The following NACA variants were observed in gnomAD, a reference collection of about 807,000 sequenced individuals.
NACA encodes nascent polypeptide associated complex subunit alpha.
NACA carries 42 observed loss-of-function variants against 86.4 expected under a neutral mutation model. The observed-to-expected ratio is 0.49, with a 90% CI of 0.38 to 0.63. NACA has a LOEUF of 0.63. Among genes scored for constraint, NACA ranks in the 20% least tolerant of loss-of-function variants. The probability of loss-of-function intolerance (pLI) is 0.00; values close to 1 mark genes in which losing one functional copy is unlikely to be tolerated. For synonymous variants in NACA, 898 were observed against 973.7 expected (o/e 0.92, Z 1.45); for missense variants, 2,157 against 2,483.6 (o/e 0.87, Z 2.80).
Position 56,719,370 on chromosome 12 carries a change from A to G in NACA, c.2160T>C (p.Pro720=), listed in dbSNP as rs373582016. The part of the protein sequence containing the change: ...VAPSPQNTCA[P]LATLVLAPEI... ...CAGGGGCCAGCACTAAGGTAGCCAG[A>G]GGAGCACAGGTATTCTGGGGGGATG... Residue 720 remains proline, a synonymous_variant, in exon 3 of 9, where the codon CCT becomes CCC. Coordinates refer to ENST00000454682, the MANE Select transcript of NACA (RefSeq NM_001365896.1). 41 of 1,610,640 alleles carry G rather than the reference A, an allele frequency of 2.5e-5. No individual in the cohort carries two copies. In the African/African-American group the frequency reaches 3.6e-4, roughly 14 times the overall value.
In NACA at chr12:56,720,212, G is replaced by T; in HGVS notation, c.1318C>A (p.Pro440Thr). The T allele has an allele frequency of 3.7e-6, 6 of 1,613,946 alleles. No homozygotes were observed. The highest frequency in any genetic ancestry group is 5.1e-6 in the Non-Finnish European group (6 of 1,179,886). Residue 440 changes from proline to threonine, a missense_variant, in exon 3 of 9, where the codon CCA (proline) becomes ACA (threonine). Physicochemically the swap from Pro to Thr is conservative, Grantham distance 38. Transcript: ENST00000454682. ...GTACAGGGGTTAGTCACCACAAGTG[G>T]GGTGGTTCCAACAGAAGAAACGGGC... is the stretch of plus-strand genomic sequence containing the variant. ...QMPVSSVGTT[P>T]LVVTNPCTIA...
Position 56,720,330 on chromosome 12 carries a change from A to ATTT in NACA, c.1197_1199dup (p.Leu399_Asn400insLys). On this transcript the variant is annotated inframe_insertion, in exon 3 of 9. Transcript: ENST00000454682. ...GAGATAATGAAAAAGAGGTAGCTAC[A>ATTT]TTTAAGGAGCCAGAAGGGCTGCAGG... The ATTT allele has an allele frequency of 6.2e-7, 1 of 1,613,920 alleles. No individual in the cohort carries two copies. Among genetic ancestry groups the ATTT allele is most frequent in the South Asian group, 1.1e-5 (1 of 91,074 alleles).
chr12:56,716,938 G>A lies in NACA; in HGVS notation c.4592C>T (p.Ala1531Val), dbSNP rs767405121. Residue 1531 changes from alanine to valine, a missense_variant, in exon 3 of 9, where the codon GCG becomes GTG. Ala to Val is a moderately conservative substitution (Grantham distance 64). Around this residue, in one of 8 missense-constraint regions of NACA, gnomAD observed 797 missense variants for 777.6 expected, o/e 1.02. Coordinates refer to ENST00000454682, the MANE Select transcript of NACA (RefSeq NM_001365896.1). ...TGGGGTCTTTTTAGAGAGAAGAGTC[G>A]CTGTTGGGGCAATGGGGTCCCTTCT... Reference protein sequence around the residue: ...SSRRDPIAPTATLLSKKTPAT... With the variant: ...SSRRDPIAPTVTLLSKKTPAT... The A allele has an allele frequency of 3.9e-5, 51 of 1,303,338 alleles. No individual in the cohort carries two copies. The highest frequency in any genetic ancestry group is 2.4e-4 in the Admixed American group (8 of 33,200). 80.7% of individuals were successfully genotyped at this position (1,303,338 alleles called of 1,614,324 possible). A position where few individuals can be genotyped will look rare whatever the true frequency, so the allele number is the denominator to read the frequency against.
At chr12:56,724,055 ACTAAAAC>A (rs1953646061) in intron 2 of NACA, among the ~76,000 whole-genome samples, 1 of 152,214 alleles carries the variant, frequency 6.6e-6, no homozygotes, top group African/African-American at 2.4e-5. Flanking sequence ...AGCTCTGCTA[ACTAAAAC>A]CTTGATGCAA....
chr12:56,714,973 T>G (rs963954784), intron 3 of NACA, among the ~76,000 whole-genome samples: 2 of 152,206 alleles, frequency 1.3e-5, no homozygotes, highest in African/African-American at 4.8e-5. Flanking sequence ...CCTCAAGGTC[T>G]TTGTTTCTTG....
Position 56,716,958 on chromosome 12 carries a change from C to A in NACA, c.4572G>T (p.Arg1524Ser). 7.8e-7 allele frequency: 1 copy of A among 1,285,312 alleles called. No individual in the cohort carries two copies. The allele number at this position is 1,285,312 out of a possible 1,614,324, so 79.6% of individuals were successfully genotyped here. A position where few individuals can be genotyped will look rare whatever the true frequency, so the allele number is the denominator to read the frequency against. ...KEVPATPSSR[R>S]DPIAPTATLL... ...GAGTCGCTGTTGGGGCAATGGGGTCCCTTCTGGAGGATGGGGTAGCTGGGA... is the reference window on the plus strand; with the variant it reads ...GAGTCGCTGTTGGGGCAATGGGGTCACTTCTGGAGGATGGGGTAGCTGGGA... Residue 1524 changes from arginine (R) to serine (S), a missense_variant, in exon 3 of 9, where the codon AGG becomes AGT. This residue lies in a region of NACA where 797 missense variants were observed against 777.6 expected (regional missense o/e 1.02). Transcript: ENST00000454682.
chr12:56,720,492 T>C lies in NACA; in HGVS notation c.1038A>G (p.Thr346=). The part of the protein sequence containing the change: ...VKTISVDHSS[T]GASYPSQRSV... Reference sequence around the variant, plus strand: ...ATCTCTGAGAAGGATAAGAGGCCCCTGTGGAAGAATGATCTACAGAAATGG... The same window carrying C: ...ATCTCTGAGAAGGATAAGAGGCCCCCGTGGAAGAATGATCTACAGAAATGG... The change falls in exon 3 of 9, where the codon ACA becomes ACG. Residue 346 remains threonine, a synonymous_variant. Coordinates refer to ENST00000454682, the MANE Select transcript of NACA (RefSeq NM_001365896.1). 1 of 1,613,804 alleles carries C rather than the reference T, an allele frequency of 6.2e-7. No homozygotes were observed. Among genetic ancestry groups the C allele is most frequent in the Non-Finnish European group, 8.5e-7 (1 of 1,179,786 alleles).
At position 56,719,601 on chromosome 12, in the gene NACA, TG is replaced by T; in HGVS notation, c.1928del (p.Pro643GlnfsTer35). 1 of 1,613,844 alleles carries T rather than the reference TG, an allele frequency of 6.2e-7. No homozygotes were observed. Among genetic ancestry groups the T allele is most frequent in the Non-Finnish European group, 8.5e-7 (1 of 1,179,852 alleles). Reference protein sequence around the residue: ...GPLLKSSLITPTVAAFPLESA... With the variant: ...GPLLKSSLITXTVAAFPLESA... ...TTTCCAAAGGAAATGCAGCCACTGT[TG>T]GGGTAATGAGAGAACTTTTGAGAAG... On this transcript the variant is annotated frameshift_variant, in exon 3 of 9. Coordinates refer to ENST00000454682, the MANE Select transcript of NACA (RefSeq NM_001365896.1). LOFTEE classifies it high-confidence loss of function.
chr12:56,715,885 G>A lies in NACA; in HGVS notation c.5645C>T (p.Thr1882Met), dbSNP rs530299780. 4.0e-6 allele frequency: 6 copies of A among 1,516,012 alleles called. No individual in the cohort carries two copies. The highest frequency in any genetic ancestry group is 4.5e-5 in the Admixed American group (2 of 44,306). 93.9% of individuals were successfully genotyped at this position (1,516,012 alleles called of 1,614,324 possible). A position where few individuals can be genotyped will look rare whatever the true frequency, so the allele number is the denominator to read the frequency against. The change falls in exon 3 of 9, where the codon ACG becomes ATG. Residue 1882 changes from threonine (T) to methionine (M), a missense_variant. Thr to Met is a moderately conservative substitution (Grantham distance 81, BLOSUM62 -1). Transcript: ENST00000454682. Reference protein sequence around the residue: ...VPTPSAKQPVTKNNKGSGTES... With the variant: ...VPTPSAKQPVMKNNKGSGTES... ...AAGGCAAATACCCTTGTTGTTCTTC[G>A]TAACAGGTTGCTTGGCAGAGGGGGT...
At chr12:56,723,577 A>G (rs1185571566) in intron 2 of NACA, among the ~76,000 whole-genome samples, 1 of 152,184 alleles carries the variant, frequency 6.6e-6, no homozygotes, top group African/African-American at 2.4e-5. Context: ...AAAATCAAAC[A>G]GGTGGGAAGA....
At chr12:56,713,983 A>G (rs949352165) in intron 5 of NACA, 12 of 405,274 alleles carry the variant, frequency 3.0e-5, no homozygotes, top group South Asian at 5.8e-5. Flanking sequence ...CTGGGATTAC[A>G]GGAGCGTTAC....
chr12:56,713,494 A>G (rs1308989214), intron 6 of NACA, 43 bp downstream of exon 6: 2 of 1,604,494 alleles, frequency 1.2e-6, no homozygotes, highest in African/African-American at 2.7e-5. Flanking sequence ...GCTGAGGTTG[A>G]GAAACCCTGG....
Position 56,718,268 on chromosome 12 carries a change from G to A in NACA, c.3262C>T (p.Pro1088Ser). 8.8e-7 allele frequency: 1 copy of A among 1,134,838 alleles called. No homozygotes were observed. Among genetic ancestry groups the A allele is most frequent in the Non-Finnish European group, 1.1e-6 (1 of 910,946 alleles). 70.3% of individuals were successfully genotyped at this position (1,134,838 alleles called of 1,614,324 possible). A position where few individuals can be genotyped will look rare whatever the true frequency, so the allele number is the denominator to read the frequency against. ...GAPTPPAATP[P>S]SPKGGPATPS... Reference sequence around the variant, plus strand: ...GTAGCTGGGCCTCCTTTTGGGGAGGGAGGAGTCGCAGCTGGGGGAGTGGGG... The same window carrying A: ...GTAGCTGGGCCTCCTTTTGGGGAGGAAGGAGTCGCAGCTGGGGGAGTGGGG... Residue 1088 changes from proline (P) to serine (S), a missense_variant, in exon 3 of 9, where the codon CCC becomes TCC. By Grantham distance (74) the Pro-to-Ser change is moderately conservative (BLOSUM62 -1). Transcript: ENST00000454682.
chr12:56,712,862 G>A lies in NACA; in HGVS notation c.6146C>T (p.Ser2049Leu). 6.2e-7 allele frequency: 1 copy of A among 1,614,170 alleles called. No individual in the cohort carries two copies. The highest frequency in any genetic ancestry group is 8.5e-7 in the Non-Finnish European group (1 of 1,180,034). Residue 2049 changes from serine (S) to leucine (L), a missense_variant, in exon 8 of 9, where the codon TCA (serine) becomes TTA (leucine). Physicochemically the swap from Ser to Leu is moderately radical, Grantham distance 145. Around this residue, in one of 8 missense-constraint regions of NACA, gnomAD observed 81 missense variants for 200.6 expected, o/e 0.40. Coordinates refer to ENST00000454682, the MANE Select transcript of NACA (RefSeq NM_001365896.1). ...VEVKDIELVM[S>L]QANVSRAKAV... is the part of the protein sequence containing the mutation. ...CTTTGCTCTCGACACATTTGCTTGT[G>A]ACATGACCAATTCAATGTCCTTAAC...
In NACA at chr12:56,721,261, G is replaced by T. The variant is rs746771277; in HGVS notation, c.269C>A (p.Ala90Asp). Residue 90 changes from alanine to aspartate, a missense_variant, in exon 3 of 9, where the codon GCC (alanine) becomes GAC (aspartate). By Grantham distance (126) the Ala-to-Asp change is moderately radical. This residue lies in a region of NACA where 947 missense variants were observed against 917.9 expected (regional missense o/e 1.03). Coordinates refer to ENST00000454682, the MANE Select transcript of NACA (RefSeq NM_001365896.1). Reference sequence around the variant, plus strand: ...TTCAGGGGCAGTTCCCAAAGGTAGGGCTGTTCCAGAGGATGACTGGGGAAA... The same window carrying T: ...TTCAGGGGCAGTTCCCAAAGGTAGGTCTGTTCCAGAGGATGACTGGGGAAA... ...VPFPQSSSGT[A>D]LPLGTAPEAP... is the part of the protein sequence containing the mutation. 1.4e-5 allele frequency: 22 copies of T among 1,613,580 alleles called. No homozygotes were observed. Among genetic ancestry groups the T allele is most frequent in the Non-Finnish European group, 1.9e-5 (22 of 1,179,700 alleles).
chr12:56,718,467 TCC>T lies in NACA; in HGVS notation c.3061_3062del (p.Gly1021LysfsTer323). 2 of 1,237,858 alleles carry T rather than the reference TCC, an allele frequency of 1.6e-6. No individual in the cohort carries two copies. Among genetic ancestry groups the T allele is most frequent in the South Asian group, 1.7e-5 (1 of 60,144 alleles). 76.7% of individuals were successfully genotyped at this position (1,237,858 alleles called of 1,614,324 possible). On this transcript the variant is annotated frameshift_variant, in exon 3 of 9. Coordinates refer to ENST00000454682, the MANE Select transcript of NACA (RefSeq NM_001365896.1). LOFTEE classifies it high-confidence loss of function. Reference protein sequence around the residue: ...PPAVTPPSPKGSPAATPFPKG... With the variant: ...PPAVTPPSPKXSPAATPFPKG... ...TGGGGAATGGGGTAGCTGCTGGACT[TCC>T]TTTGGGGGAGGGAGGAGTCACAGCT...
At chr12:56,714,002 C>G (rs1458048211) in intron 5 of NACA, 3 of 384,566 alleles carry the variant, frequency 7.8e-6, no homozygotes, top group East Asian at 5.4e-5. Context: ...ACCACCATGC[C>G]CTGCTATATA....
At chr12:56,714,756 G>T in intron 3 of NACA, 69 bp from the exon 4 acceptor site, 1 of 1,400,930 alleles carries the variant, frequency 7.1e-7, no homozygotes, top group Non-Finnish European at 1.0e-6. Context: ...ACCACAGCCT[G>T]CCCTGGACTA....
At chr12:56,713,998 A>C (rs934623876) in intron 5 of NACA, 1 of 388,072 alleles carries the variant, frequency 2.6e-6, no homozygotes, top group Non-Finnish European at 4.7e-6. Context: ...CGTTACCACC[A>C]TGCCCTGCTA....
Sources: allele counts gnomAD v4.1 joint callset (sites outside exome capture counted in the v4.1 genomes callset), GRCh38; gene constraint gnomAD v4.1.1; regional missense constraint gnomAD v4.1.1; transcripts MANE v1.5; gene names NCBI Gene and HGNC (gene_info 2026-07-23, HGNC 2026-07-21).